The following PDCD6 variants were observed in gnomAD, a reference collection of about 807,000 sequenced individuals.
PDCD6 encodes programmed cell death protein 6.
A neutral mutation model predicts 28.3 loss-of-function variants in PDCD6; 12 were observed. The ratio of observed to expected loss-of-function variants is 0.42; its 90% CI spans 0.27 to 0.69. The LOEUF is 0.69. Ranked by LOEUF, PDCD6 falls within the 30% of genes least tolerant of loss-of-function variation. The pLI is 0.22. For synonymous variants in PDCD6, 92 were observed against 108.0 expected (o/e 0.85, Z 0.92); for missense variants, 226 against 269.9 (o/e 0.84, Z 1.14).
At chr5:276,337 A>G (rs1376226406) in intron 2 of PDCD6, 3 of 1,079,888 alleles carry the variant, frequency 2.8e-6, no homozygotes, top group African/African-American at 1.7e-5. Flanking sequence ...TCACGTTTTC[A>G]TAGTTCCCTC....
At chr5:279,515 G>C (rs1416415875) in intron 2 of PDCD6, among the ~76,000 whole-genome samples, 1 of 152,210 alleles carries the variant, frequency 6.6e-6, no homozygotes, top group South Asian at 2.1e-4. Flanking sequence ...GCCACGCCAC[G>C]GGTGCAGCAG....
chr5:301,106 C>T (rs1173195700), intron 2 of PDCD6, among the ~76,000 whole-genome samples: 1 of 152,244 alleles, frequency 6.6e-6, no homozygotes, highest in South Asian at 2.1e-4. Flanking sequence ...GATCAGGACA[C>T]GTCACAGTGC....
At chr5:298,596 A>C (rs1336098455) in intron 2 of PDCD6, among the ~76,000 whole-genome samples, 10 of 139,922 alleles carry the variant, frequency 7.1e-5, no homozygotes, top group Non-Finnish European at 1.2e-4. Context: ...GGCTCCTCTC[A>C]CCACCCCCGT....
At chr5:306,514 G>C in intron 3 of PDCD6, 88 bp from the exon 4 acceptor site, 1 of 1,460,766 alleles carries the variant, frequency 6.8e-7, no homozygotes, top group Non-Finnish European at 9.5e-7. Context: ...GGCCCCGCCA[G>C]GCTCTGAGGG....
Position 306,601 on chromosome 5 carries a change from GCCATGTTTGACCGTGAGAAC to G in PDCD6, c.209_228del (p.Ser70Ter). The stretch of plus-strand genomic sequence containing the variant: ...TGCTTGACCGTTCCTCTCTGTCTCA[GCCATGTTTGACCGTGAGAAC>G]AAGGCCGGCGTGAACTTCAGCGAGT... On this transcript the variant is annotated frameshift_variant and splice_region_variant, in exon 4 of 6. Transcript: ENST00000264933. The G allele has an allele frequency of 1.2e-6, 2 of 1,613,318 alleles. No homozygotes were observed. Among genetic ancestry groups the G allele is most frequent in the Non-Finnish European group, 1.7e-6 (2 of 1,179,598 alleles).
chr5:277,229 G>C (rs950599941), intron 2 of PDCD6, among the ~76,000 whole-genome samples: 18 of 151,440 alleles, frequency 1.2e-4, no homozygotes, highest in African/African-American at 4.4e-4. Flanking sequence ...GGGTTCAAGC[G>C]ATTCTCCTGC....
At chr5:289,032 A>G in intron 2 of PDCD6, 1 of 1,262,488 alleles carries the variant, frequency 7.9e-7, no homozygotes, top group Non-Finnish European at 1.2e-6. Context: ...AGCTTGAGAC[A>G]CATCAGATTC....
intron 2 of PDCD6, chr5:288,801 T>C (rs1274170093): frequency 3.6e-6 from 4 of 1,123,982 alleles, no homozygotes; most frequent in African/African-American, 1.6e-5. Context: ...CAGAACTGTA[T>C]GTAAAATACT....
intron 2 of PDCD6, among the ~76,000 whole-genome samples, chr5:274,978 A>G (rs1444652426): frequency 6.6e-6 from 1 of 152,178 alleles, no homozygotes; most frequent in African/African-American, 2.4e-5. Flanking sequence ...GCTTAACCCA[A>G]GCTGTGTATC....
intron 2 of PDCD6, chr5:288,776 A>G: frequency 1.2e-6 from 1 of 835,616 alleles, no homozygotes; most frequent in Non-Finnish European, 1.7e-6. Context: ...TAAAAGTTTT[A>G]TACGGCGTTA....
chr5:298,144 AG>A (rs1739737648), intron 2 of PDCD6, among the ~76,000 whole-genome samples: 1 of 152,218 alleles, frequency 6.6e-6, no homozygotes, highest in South Asian at 2.1e-4. Flanking sequence ...TCATGATTTC[AG>A]GGGTAATTCC....
chr5:271,861 G>A, intron 1 of PDCD6, 40 bp downstream of exon 1: 1 of 1,197,174 alleles, frequency 8.4e-7, no homozygotes, highest in Non-Finnish European at 1.1e-6. Flanking sequence ...CGCCTCCGCC[G>A]CGGCGGCCCC....
At chr5:311,461 G>A (rs1199177630) in intron 5 of PDCD6, 59 bp downstream of exon 5, 29 of 1,107,362 alleles carry the variant, frequency 2.6e-5, no homozygotes, top group Middle Eastern at 2.0e-4. Context: ...GCTTGCCAGC[G>A]TGATGCACCT....
intron 2 of PDCD6, among the ~76,000 whole-genome samples, chr5:303,817 G>A (rs1472320643): frequency 1.4e-5 from 2 of 146,882 alleles, no homozygotes; most frequent in Non-Finnish European, 2.9e-5. Flanking sequence ...AACTAAGTGC[G>A]AACTTCTCAA....
rs1156402397 is a variant in PDCD6 at position 307,554 on chromosome 5, C to G, written c.367+794C>G. ...TCCACGGGGCTTCCCGTGCTGCTCT[C>G]AGGGCTGAGAGGAAGCAGGGGTTTT... On this transcript the variant is annotated intron_variant, in intron 4 of 5. Transcript: ENST00000264933. The surrounding 1 kb of genome is among the most constrained non-coding windows in gnomAD (Gnocchi z 6.1). Among the ~76,000 whole-genome samples, 1 of 152,198 alleles carries G rather than the reference C, an allele frequency of 6.6e-6. No homozygotes were observed. The highest frequency in any genetic ancestry group is 2.4e-5 in the African/African-American group (1 of 41,456).
At chr5:284,938 G>A (rs1055995507) in intron 2 of PDCD6, among the ~76,000 whole-genome samples, 6 of 136,558 alleles carry the variant, frequency 4.4e-5, no homozygotes, top group African/African-American at 1.3e-4. Context: ...TATCAAACTC[G>A]AACATCTGCT....
Position 271,792 on chromosome 5 carries a change from C to T in PDCD6, c.72C>T (p.Asp24=). ...PGPAAGAALP[D]QSFLWNVFQR... Reference sequence around the variant, plus strand: ...CTGCTGCAGGCGCGGCGCTGCCGGACCAGAGCTTCCTGTGGAACGTTTTCC... The same window carrying T: ...CTGCTGCAGGCGCGGCGCTGCCGGATCAGAGCTTCCTGTGGAACGTTTTCC... Residue 24 remains aspartate, a synonymous_variant, in exon 1 of 6, where the codon GAC becomes GAT. Coordinates refer to ENST00000264933, the MANE Select transcript of PDCD6 (RefSeq NM_013232.4). 2 of 1,469,126 alleles carry T rather than the reference C, an allele frequency of 1.4e-6. No homozygotes were observed. The highest frequency in any genetic ancestry group is 1.8e-6 in the Non-Finnish European group (2 of 1,115,894). 91.0% of individuals were successfully genotyped at this position (1,469,126 alleles called of 1,614,324 possible). A position where few individuals can be genotyped will look rare whatever the true frequency, so the allele number is the denominator to read the frequency against.
intron 2 of PDCD6, among the ~76,000 whole-genome samples, chr5:299,765 G>A (rs1029172976): frequency 1.1e-4 from 17 of 152,130 alleles, no homozygotes; most frequent in Admixed American, 5.2e-4. Context: ...TAGCCAGGAT[G>A]GTCTCGATCT....
chr5:282,143 G>A (rs2126698339), intron 2 of PDCD6, among the ~76,000 whole-genome samples: 1 of 151,580 alleles, frequency 6.6e-6, no homozygotes, highest in South Asian at 2.1e-4. Flanking sequence ...GAGAGGAGCT[G>A]ATCTTATAGA....
Sources: gnomAD v4.1 joint callset for allele counts (sites outside exome capture counted in the v4.1 genomes callset) on GRCh38, gnomAD v4.1.1 for gene constraint, Gnocchi (gnomAD v3.1) non-coding constraint, MANE v1.5 for transcripts, NCBI Gene and HGNC (gene_info 2026-07-23, HGNC 2026-07-21) for gene names.